The following HNF4G variants were observed in gnomAD, a reference collection of about 807,000 sequenced individuals.
HNF4G encodes hepatocyte nuclear factor 4-gamma.
A neutral mutation model predicts 50.9 loss-of-function variants in HNF4G; 21 were observed. The ratio of observed to expected loss-of-function variants is 0.41; its 90% CI spans 0.29 to 0.59. The LOEUF is 0.59. Among genes scored for constraint, HNF4G ranks in the 20% least tolerant of loss-of-function variants. The pLI is 0.26. For synonymous variants in HNF4G, 198 were observed against 185.6 expected (o/e 1.07, Z -0.54); for missense variants, 527 against 559.4 (o/e 0.94, Z 0.58).
intron 2 of HNF4G, among the ~76,000 whole-genome samples, chr8:75,515,925 C>T (rs1805875691): frequency 6.6e-6 from 1 of 152,126 alleles, no homozygotes; most frequent in South Asian, 2.1e-4. Flanking sequence ...GCCCCCATGC[C>T]CAGCTAATTT....
rs1347385160 is a variant in HNF4G, at chr8:75,497,948, C to A, written c.-24+7740C>A. On this transcript the variant is annotated intron_variant, in intron 2 of 10. Coordinates refer to the HNF4G transcript ENST00000354370. ...TATAGTATACATATTAATAGAGACC[C>A]TACTGAAATTTTTAAAATAAATTTG... Among the ~76,000 whole-genome samples the A allele has an allele frequency of 6.6e-5, 10 of 151,932 alleles. No homozygotes were observed. In the East Asian group the frequency reaches 1.9e-3, roughly 29 times the overall value.
chr8:75,512,050 T>G (rs1033993857), intron 2 of HNF4G, among the ~76,000 whole-genome samples: 2 of 152,166 alleles, frequency 1.3e-5, no homozygotes, highest in African/African-American at 4.8e-5. Context: ...AGTCTATATC[T>G]AGGAAATTCG....
chr8:75,463,844 G>A (rs1410153357), intron 1 of HNF4G, among the ~76,000 whole-genome samples: 1 of 141,156 alleles, frequency 7.1e-6, no homozygotes, highest in Non-Finnish European at 1.5e-5. Context: ...GCATGATCTT[G>A]GCTCACCACA....
At chr8:75,503,720 G>A (rs186384812) in intron 2 of HNF4G, among the ~76,000 whole-genome samples, 12 of 152,268 alleles carry the variant, frequency 7.9e-5, no homozygotes, top group Non-Finnish European at 1.6e-4. Flanking sequence ...AGTCCTTATA[G>A]TACTTATAGG....
intron 1 of HNF4G, among the ~76,000 whole-genome samples, chr8:75,474,399 G>T (rs995199334): frequency 6.6e-6 from 1 of 152,118 alleles, no homozygotes; most frequent in Admixed American, 6.5e-5. Flanking sequence ...ACCATTACTT[G>T]AGAAATTGTA....
chr8:75,463,894 C>A (rs1226838131), intron 1 of HNF4G, among the ~76,000 whole-genome samples: 1 of 151,750 alleles, frequency 6.6e-6, no homozygotes, highest in Non-Finnish European at 1.5e-5. Context: ...CCTGCCTCAG[C>A]CTCCCGAGTA....
upstream of HNF4G, among the ~76,000 whole-genome samples, chr8:75,534,966 A>G (rs1297682191): frequency 7.4e-6 from 1 of 135,358 alleles, no homozygotes; most frequent in African/African-American, 3.0e-5. Flanking sequence ...AATAATATCA[A>G]AATTAGAATT....
At chr8:75,479,314 T>C (rs16939077) in intron 1 of HNF4G, among the ~76,000 whole-genome samples, 79,684 of 152,104 alleles carry the variant, frequency 0.52, 23,186 homozygotes, top group African/African-American at 0.79. Flanking sequence ...ACCAATCAAA[T>C]CTTTTATTTC....
chr8:75,512,399 ACT>A (rs908765074), intron 2 of HNF4G, among the ~76,000 whole-genome samples: 2 of 150,400 alleles, frequency 1.3e-5, no homozygotes, highest in Admixed American at 6.6e-5. Flanking sequence ...TTACCAAATG[ACT>A]CTCTTACTTC....
chr8:75,453,375 AAC>A (rs1434972010), intron 1 of HNF4G, among the ~76,000 whole-genome samples: 1 of 152,106 alleles, frequency 6.6e-6, no homozygotes, highest in Non-Finnish European at 1.5e-5. Flanking sequence ...GCTCTGTAAA[AAC>A]ACACCAATCA....
At chr8:75,425,062 CTATT>C (rs71271860) in intron 1 of HNF4G, among the ~76,000 whole-genome samples, 3,670 of 142,606 alleles carry the variant, frequency 0.026, 68 homozygotes, top group African/African-American at 0.033. Context: ...TCAATGCAGC[CTATT>C]TATTTATTTA....
chr8:75,481,696 G>A (rs940798650), intron 1 of HNF4G, among the ~76,000 whole-genome samples: 22 of 152,084 alleles, frequency 1.4e-4, no homozygotes, highest in Admixed American at 2.0e-4. Context: ...TGAGATTTCT[G>A]TACTGTCCAC....
chr8:75,445,193 G>A (rs1252382528), intron 1 of HNF4G, among the ~76,000 whole-genome samples: 5 of 108,574 alleles, frequency 4.6e-5, no homozygotes, highest in Admixed American at 1.0e-4. Flanking sequence ...GGTACATAAC[G>A]AAATGAAGGC....
chr8:75,492,854 G>T (rs1395937340), intron 2 of HNF4G, among the ~76,000 whole-genome samples: 4 of 152,066 alleles, frequency 2.6e-5, no homozygotes, highest in African/African-American at 9.7e-5. Context: ...AAAAGTGAAA[G>T]AAAAACTTCT....
Position 75,421,546 on chromosome 8 carries a change from CAG to C in HNF4G, c.-144+13385_-144+13386del, listed in dbSNP as rs1182121775. Among the ~76,000 whole-genome samples the C allele has an allele frequency of 3.3e-5, 5 of 152,148 alleles. No individual in the cohort carries two copies. In the South Asian group the frequency reaches 8.3e-4, roughly 25 times the overall value. On this transcript the variant is annotated intron_variant, in intron 1 of 10. Transcript: ENST00000354370. The stretch of plus-strand genomic sequence containing the variant: ...TATGTTTGAAGATAAATAGGGTTGA[CAG>C]GGGTTAGTTTACACTGGAGAGTTGA...
chr8:75,421,731 A>G (rs1810780248), intron 1 of HNF4G, among the ~76,000 whole-genome samples: 1 of 152,154 alleles, frequency 6.6e-6, no homozygotes, highest in Admixed American at 6.5e-5. Context: ...GGGACTCAGT[A>G]GGTCTAGGAT....
chr8:75,430,081 G>A (rs765958345), intron 1 of HNF4G, among the ~76,000 whole-genome samples: 1 of 151,664 alleles, frequency 6.6e-6, no homozygotes, highest in Admixed American at 6.6e-5. Context: ...AACCCGGGAG[G>A]CAGAGATTGC....
chr8:75,438,857 C>T (rs1204730280), intron 1 of HNF4G, among the ~76,000 whole-genome samples: 1 of 151,846 alleles, frequency 6.6e-6, no homozygotes, highest in Admixed American at 6.6e-5. Context: ...ATAGTTTTTG[C>T]TTTTTTCTTT....
At position 75,480,215 on chromosome 8, in the gene HNF4G, ATC is replaced by A. The variant is rs957545958; in HGVS notation, c.-143-9872_-143-9871del. Among the ~76,000 whole-genome samples, 14 of 152,336 alleles carry A rather than the reference ATC, an allele frequency of 9.2e-5. 1 individual carries two copies. Among genetic ancestry groups the A allele is most frequent in the African/African-American group, 3.4e-4 (14 of 41,586 alleles). On this transcript the variant is annotated intron_variant, in intron 1 of 10. Transcript: ENST00000354370. ...TAAGATTAACTGGAAAGTACATAAT[ATC>A]TAAGGTAAAATTAAATCAAACTTTG...
Sources: allele counts gnomAD v4.1 joint callset (sites outside exome capture counted in the v4.1 genomes callset), GRCh38; gene constraint gnomAD v4.1.1; transcripts MANE v1.5; gene names NCBI Gene and HGNC (gene_info 2026-07-23, HGNC 2026-07-21).